Variants in ERP27 observed in about 807,000 individuals in gnomAD.
ERP27 encodes endoplasmic reticulum resident protein 27.
ERP27 carries 23 observed loss-of-function variants against 27.7 expected under a neutral mutation model. The ratio of observed to expected loss-of-function variants is 0.83; its 90% CI spans 0.60 to 1.18. ERP27 has a LOEUF of 1.18. Ranked by LOEUF, ERP27 falls within the 50% of genes most tolerant of loss-of-function variation. The probability of loss-of-function intolerance (pLI) is 0.00; values close to 1 mark genes in which losing one functional copy is unlikely to be tolerated. For missense variants in ERP27, 363 were observed against 327.9 expected (o/e 1.11, Z -0.83); for synonymous variants, 159 against 118.3 (o/e 1.34, Z -2.23).
chr12:14,938,169 G>A (rs1267913891), intron 1 of ERP27, 117 bp from the exon 2 acceptor site: 2 of 847,066 alleles, frequency 2.4e-6, no homozygotes, highest in Non-Finnish European at 3.8e-6. Flanking sequence ...CAATTTATAG[G>A]AGTACTGTTG....
At chr12:14,936,841 C>T (rs1444847690) in intron 2 of ERP27, among the ~76,000 whole-genome samples, 1 of 152,162 alleles carries the variant, frequency 6.6e-6, no homozygotes, top group East Asian at 1.9e-4. Context: ...TCAATTAAAA[C>T]TCTTTCCTTT....
chr12:14,929,022 C>A (rs1381719874), intron 3 of ERP27: 1 of 1,535,064 alleles, frequency 6.5e-7, no homozygotes, highest in Non-Finnish European at 8.7e-7. Context: ...TCATTATCAT[C>A]ATAATCAGGA....
rs183952657 is a variant in ERP27 at position 14,933,509 on chromosome 12, T to C, written c.333+1347A>G. Reference sequence around the variant, plus strand: ...TGTGATGGGGGCATAAACTAGATAGTAGTGTCTAGTTTAGAGAAAGACAGT... The same window carrying C: ...TGTGATGGGGGCATAAACTAGATAGCAGTGTCTAGTTTAGAGAAAGACAGT... On this transcript the variant is annotated intron_variant, in intron 3 of 6. Coordinates refer to ENST00000266397, the MANE Select transcript of ERP27 (RefSeq NM_152321.4). 1.6e-4 allele frequency among the ~76,000 whole-genome samples: 24 copies of C among 152,224 alleles called. No homozygotes were observed. In the East Asian group the frequency reaches 3.1e-3, roughly 20 times the overall value.
chr12:14,923,481 T>TATA lies in ERP27; in HGVS notation c.334-2434_334-2433insTAT, dbSNP rs1449028385. On this transcript the variant is annotated intron_variant, in intron 3 of 6. Transcript: ENST00000266397. ...TAATTTTTACTATATAATATCTATC[T>TATA]ATCTATAATCAATCTATCTATCTAT... 9.3e-3 allele frequency among the ~76,000 whole-genome samples: 1,301 copies of TATA among 140,628 alleles called. 20 individuals are homozygous for TATA. The highest frequency in any genetic ancestry group is 0.033 in the African/African-American group (1,234 of 37,812). 92.3% of individuals were successfully genotyped at this position (140,628 alleles called of 152,430 possible).
In ERP27 at chr12:14,938,073, T is replaced by C. The variant is rs116144702; in HGVS notation, c.95-21A>G. On this transcript the variant is annotated intron_variant, in intron 1 of 6. Transcript: ENST00000266397. Reference sequence around the variant, plus strand: ...ACCATCTAGAGAGAGAAGCAGAAGATGTCAGGGTACTGAGGCAAGAAGAAG... The same window carrying C: ...ACCATCTAGAGAGAGAAGCAGAAGACGTCAGGGTACTGAGGCAAGAAGAAG... 1.5e-3 allele frequency: 2,390 copies of C among 1,599,330 alleles called. 31 individuals are homozygous for C. The African/African-American group carries it at 0.021, about 14-fold the overall frequency.
chr12:14,916,505 T>C (rs920598130), intron 5 of ERP27, among the ~76,000 whole-genome samples: 1 of 152,206 alleles, frequency 6.6e-6, no homozygotes, highest in African/African-American at 2.4e-5. Context: ...AAATGTAGAT[T>C]ATTTTATATT....
At chr12:14,930,681 C>T (rs1356928901) in intron 3 of ERP27, among the ~76,000 whole-genome samples, 1 of 152,120 alleles carries the variant, frequency 6.6e-6, no homozygotes, top group Non-Finnish European at 1.5e-5. Flanking sequence ...ATATAGTTGG[C>T]CTGCACTATT....
chr12:14,930,473 C>G (rs1863681510), intron 3 of ERP27, among the ~76,000 whole-genome samples: 1 of 152,128 alleles, frequency 6.6e-6, no homozygotes, highest in Admixed American at 6.5e-5. Context: ...TTTCAAATTC[C>G]ATTTTAGGAC....
chr12:14,917,172 C>A lies in ERP27; in HGVS notation c.576+6G>T. ...ATGCAATAGGATATTCCCATTCTTG[C>A]CTTACCTTCCCCTGGAAGAGCTTGG... On this transcript the variant is annotated splice_donor_region_variant and intron_variant, in intron 5 of 6. Transcript: ENST00000266397. The A allele has an allele frequency of 6.2e-7, 1 of 1,614,034 alleles. No homozygotes were observed. The highest frequency in any genetic ancestry group is 8.5e-7 in the Non-Finnish European group (1 of 1,179,950).
At chr12:14,918,260 G>A (rs545290046) in intron 4 of ERP27, among the ~76,000 whole-genome samples, 1 of 152,260 alleles carries the variant, frequency 6.6e-6, no homozygotes, top group African/African-American at 2.4e-5. Flanking sequence ...TCATCAGGAT[G>A]GACTGCCTCA....
chr12:14,929,361 T>C (rs1245044073), intron 3 of ERP27, among the ~76,000 whole-genome samples: 1 of 152,204 alleles, frequency 6.6e-6, no homozygotes, highest in Non-Finnish European at 1.5e-5. Context: ...TAAGAAAACA[T>C]GCCCGATCTT....
intron 3 of ERP27, among the ~76,000 whole-genome samples, chr12:14,922,712 C>A (rs1187349486): frequency 6.6e-6 from 1 of 152,144 alleles, no homozygotes; most frequent in Non-Finnish European, 1.5e-5. Context: ...TATATTTTCT[C>A]CTAGAAACAT....
chr12:14,928,809 G>T (rs1185175750), intron 3 of ERP27: 1 of 797,098 alleles, frequency 1.3e-6, no homozygotes, highest in Non-Finnish European at 2.0e-6. Context: ...AAGGTCTTAG[G>T]TAGATCCTTG....
rs1412808791 is a variant in ERP27 at position 14,915,677 on chromosome 12, T to A, written c.586A>T (p.Ile196Phe). 6.2e-7 allele frequency: 1 copy of A among 1,612,598 alleles called. No individual in the cohort carries two copies. Among genetic ancestry groups the A allele is most frequent in the Non-Finnish European group, 8.5e-7 (1 of 1,178,846 alleles). The change falls in exon 6 of 7, where the codon ATT (isoleucine) becomes TTT (phenylalanine). Residue 196 changes from isoleucine to phenylalanine, a missense_variant. Transcript: ENST00000266397. The part of the protein sequence containing the change: ...AKLFQGKILF[I>F]LVDSGMKENG... ...TCTTTCATACCACTGTCCACCAGAA[T>A]AAAGAGAATCTGCAGTTGGGGAAGT...
chr12:14,925,367 T>C (rs1442634233), intron 3 of ERP27, among the ~76,000 whole-genome samples: 1 of 152,198 alleles, frequency 6.6e-6, no homozygotes, highest in Non-Finnish European at 1.5e-5. Context: ...TTCCAAGATA[T>C]AAAATCCTAT....
chr12:14,920,276 A>C (rs1404735622), intron 4 of ERP27, among the ~76,000 whole-genome samples: 1 of 152,210 alleles, frequency 6.6e-6, no homozygotes, highest in African/African-American at 2.4e-5. Context: ...ACACACCAGG[A>C]GAGAAGGCTG....
Position 14,934,850 on chromosome 12 carries a change from A to T in ERP27, c.333+6T>A, listed in dbSNP as rs767944163. 1.2e-6 allele frequency: 2 copies of T among 1,613,790 alleles called. No homozygotes were observed. The highest frequency in any genetic ancestry group is 1.7e-6 in the Non-Finnish European group (2 of 1,179,806). On this transcript the variant is annotated splice_donor_region_variant and intron_variant, in intron 3 of 6. Coordinates refer to ENST00000266397, the MANE Select transcript of ERP27 (RefSeq NM_152321.4). ...GGAGAAAGCTCAAGCTACCCACCCA[A>T]CTTACCAGGCGAAAGAGGCAGATGG...
chr12:14,924,325 T>C (rs1863563789), intron 3 of ERP27, among the ~76,000 whole-genome samples: 1 of 152,216 alleles, frequency 6.6e-6, no homozygotes, highest in Non-Finnish European at 1.5e-5. Context: ...TGAATAGTGC[T>C]GCAATGAACA....
Position 14,922,540 on chromosome 12 carries a change from A to AAT in ERP27, c.334-1494_334-1493dup, listed in dbSNP as rs556182664. Among the ~76,000 whole-genome samples, 327 of 152,128 alleles carry AAT rather than the reference A, an allele frequency of 2.1e-3. 1 individual carries two copies. Among genetic ancestry groups the AAT allele is most frequent in the Admixed American group, 4.2e-3 (64 of 15,280 alleles). On this transcript the variant is annotated intron_variant, in intron 3 of 6. Transcript: ENST00000266397. ...GATATGAGTCCTTTGTTGGTTCTATAATATATATATTTTCTTACTAGGGCT... is the reference window on the plus strand; with the variant it reads ...GATATGAGTCCTTTGTTGGTTCTATAATATATATATATTTTCTTACTAGGGCT...
Sources: allele counts gnomAD v4.1 joint callset (sites outside exome capture counted in the v4.1 genomes callset), GRCh38; gene constraint gnomAD v4.1.1; transcripts MANE v1.5; gene names NCBI Gene and HGNC (gene_info 2026-07-23, HGNC 2026-07-21).